The following SHISA9 variants were observed in gnomAD, a reference collection of about 807,000 sequenced individuals.
SHISA9 encodes the protein shisa family member 9.
A neutral mutation model predicts 38.0 loss-of-function variants in SHISA9; 13 were observed. The observed-to-expected ratio is 0.34, with a 90% CI of 0.22 to 0.54. The LOEUF (loss-of-function observed/expected upper bound fraction) is 0.54. Ranked by LOEUF, SHISA9 falls within the 20% of genes least tolerant of loss-of-function variation. The pLI, the probability that SHISA9 is intolerant of heterozygous loss-of-function variation, is 0.91. For synonymous variants in SHISA9, 275 were observed against 242.0 expected (o/e 1.14, Z -1.27); for missense variants, 538 against 575.8 (o/e 0.93, Z 0.67).
At chr16:13,293,549 G>A in the SHISA9 span, among the ~76,000 whole-genome samples, 10 of 152,124 alleles carry the variant, frequency 6.6e-5, no homozygotes, top group African/African-American at 2.4e-4. Context: ...ATTTCATAAG[G>A]TTGTTTATTA....
chr16:13,031,789 A>G (rs2141877886), intron 2 of SHISA9, among the ~76,000 whole-genome samples: 1 of 152,354 alleles, frequency 6.6e-6, no homozygotes, highest in Non-Finnish European at 1.5e-5. Flanking sequence ...AGATTGATAT[A>G]TCAGGAAACA....
At chr16:13,087,004 C>T (rs1013960469) in intron 2 of SHISA9, among the ~76,000 whole-genome samples, 4 of 149,652 alleles carry the variant, frequency 2.7e-5, no homozygotes, top group East Asian at 3.9e-4. Flanking sequence ...TGATGTTCCC[C>T]GCCCTGTGTC....
the SHISA9 span, among the ~76,000 whole-genome samples, chr16:13,407,022 C>T: frequency 7.7e-6 from 1 of 129,656 alleles, no homozygotes; most frequent in Non-Finnish European, 1.6e-5. Flanking sequence ...GAGCTGAGAT[C>T]GTGCCATTGC....
At chr16:13,412,509 G>A in the SHISA9 span, among the ~76,000 whole-genome samples, 153 of 150,970 alleles carry the variant, frequency 1.0e-3, 1 homozygote, top group Non-Finnish European at 7.4e-5. Context: ...AATAACCACT[G>A]TGCAAGACAC....
At chr16:13,410,799 A>G in the SHISA9 span, among the ~76,000 whole-genome samples, 1 of 152,212 alleles carries the variant, frequency 6.6e-6, no homozygotes, top group African/African-American at 2.4e-5. Context: ...TTCACTGATA[A>G]AAATTATGAA....
At chr16:12,984,701 G>T (rs150877515) in intron 2 of SHISA9, among the ~76,000 whole-genome samples, 86 of 152,262 alleles carry the variant, frequency 5.6e-4, no homozygotes, top group African/African-American at 2.0e-3. Context: ...TGTCCTGATG[G>T]GTGCTGCCTG....
the SHISA9 span, among the ~76,000 whole-genome samples, chr16:13,473,814 C>G: frequency 6.6e-6 from 1 of 151,864 alleles, no homozygotes; most frequent in Non-Finnish European, 1.5e-5. Flanking sequence ...TGTGTGTGTT[C>G]TTTTTTAAAT....
chr16:13,136,083 T>G (rs2050345845), intron 2 of SHISA9, among the ~76,000 whole-genome samples: 1 of 152,152 alleles, frequency 6.6e-6, no homozygotes, highest in African/African-American at 2.4e-5. Flanking sequence ...TCTGGTTCTT[T>G]GTTTAAATTA....
At chr16:13,082,801 C>G (rs1330065019) in intron 2 of SHISA9, among the ~76,000 whole-genome samples, 1 of 152,110 alleles carries the variant, frequency 6.6e-6, no homozygotes, top group African/African-American at 2.4e-5. Flanking sequence ...GTCTCTTGCC[C>G]AAGAGCCACT....
chr16:13,228,413 G>A (rs2051299790), intron 4 of SHISA9, among the ~76,000 whole-genome samples: 3 of 152,184 alleles, frequency 2.0e-5, no homozygotes, highest in South Asian at 4.1e-4. Flanking sequence ...AACTTTCTGA[G>A]GGGACATCAT....
chr16:13,370,274 A>G, the SHISA9 span, among the ~76,000 whole-genome samples: 1 of 152,180 alleles, frequency 6.6e-6, no homozygotes, highest in African/African-American at 2.4e-5. Flanking sequence ...TTTTCTGCTC[A>G]GATACAAACC....
At chr16:13,525,886 A>G in the SHISA9 span, among the ~76,000 whole-genome samples, 1 of 152,260 alleles carries the variant, frequency 6.6e-6, no homozygotes, top group Non-Finnish European at 1.5e-5. Flanking sequence ...GTGGTCATCA[A>G]CCTTGCCTGG....
At chr16:13,222,254 G>A (rs574751088) in intron 4 of SHISA9, among the ~76,000 whole-genome samples, 1 of 152,222 alleles carries the variant, frequency 6.6e-6, no homozygotes, top group Admixed American at 6.5e-5. Flanking sequence ...ATTTGGGTGG[G>A]GATACAGCCA....
At chr16:13,442,947 C>T in the SHISA9 span, among the ~76,000 whole-genome samples, 4 of 152,074 alleles carry the variant, frequency 2.6e-5, no homozygotes, top group Non-Finnish European at 5.9e-5. Flanking sequence ...ATACTTTGCA[C>T]ACCAAATAAA....
chr16:13,486,604 C>T, the SHISA9 span, among the ~76,000 whole-genome samples: 27 of 152,154 alleles, frequency 1.8e-4, no homozygotes, highest in African/African-American at 6.5e-4. Flanking sequence ...TTTTCTGGAA[C>T]CATTCTTTTT....
At chr16:13,405,626 T>C in the SHISA9 span, among the ~76,000 whole-genome samples, 1 of 152,176 alleles carries the variant, frequency 6.6e-6, no homozygotes, top group Admixed American at 6.5e-5. Context: ...CTTGTCCACT[T>C]CCTTCTCACT....
At chr16:13,411,520 C>A in the SHISA9 span, among the ~76,000 whole-genome samples, 7 of 152,222 alleles carry the variant, frequency 4.6e-5, no homozygotes, top group Non-Finnish European at 5.9e-5. Flanking sequence ...GGCTAGCAGT[C>A]CAGGCCGGGA....
the SHISA9 span, among the ~76,000 whole-genome samples, chr16:13,459,281 G>A: frequency 6.6e-6 from 1 of 152,088 alleles, no homozygotes; most frequent in African/African-American, 2.4e-5. Context: ...AGTGACAGAG[G>A]ATTTTGACAA....
the SHISA9 span, among the ~76,000 whole-genome samples, chr16:13,386,840 T>C: frequency 6.6e-6 from 1 of 152,230 alleles, no homozygotes; most frequent in Non-Finnish European, 1.5e-5. Flanking sequence ...TTCCATGGTA[T>C]GGTTATATTT....
Sources: gnomAD v4.1 joint callset for allele counts (sites outside exome capture counted in the v4.1 genomes callset) on GRCh38, gnomAD v4.1.1 for gene constraint, MANE v1.5 for transcripts, NCBI Gene and HGNC (gene_info 2026-07-23, HGNC 2026-07-21) for gene names.